SLC1A4: variants seen among roughly 807,000 people sequenced by gnomAD.
SLC1A4 encodes the protein solute carrier family 1 member 4.
In SLC1A4, 19 loss-of-function variants were observed where a neutral mutation model predicts 37.7. The ratio of observed to expected loss-of-function variants is 0.50; its 90% CI spans 0.35 to 0.74. SLC1A4 has a LOEUF of 0.74. Among genes scored for constraint, SLC1A4 ranks in the 30% least tolerant of loss-of-function variants. The pLI is 0.01. For synonymous variants in SLC1A4, 299 were observed against 309.8 expected (o/e 0.97, Z 0.37); for missense variants, 570 against 712.9 (o/e 0.80, Z 2.28).
intron 3 of SLC1A4, 149 bp from the exon 4 acceptor site, chr2:65,010,448 T>G: frequency 1.5e-6 from 1 of 675,048 alleles, no homozygotes; most frequent in Admixed American, 3.2e-5. Flanking sequence ...TCCTACCCCT[T>G]TATTTGCAGA....
chr2:65,014,780 T>C (rs1674060118), intron 4 of SLC1A4, among the ~76,000 whole-genome samples: 1 of 152,248 alleles, frequency 6.6e-6, no homozygotes, highest in Non-Finnish European at 1.5e-5. Context: ...AGGCATGTGG[T>C]TACCACAAAG....
chr2:65,013,724 T>C (rs1213666275), intron 4 of SLC1A4, among the ~76,000 whole-genome samples: 1 of 152,188 alleles, frequency 6.6e-6, no homozygotes, highest in Non-Finnish European at 1.5e-5. Context: ...CAACCAAGTA[T>C]GGGAGGCATT....
chr2:64,990,466 G>T (rs1673011929), intron 1 of SLC1A4, among the ~76,000 whole-genome samples: 1 of 152,168 alleles, frequency 6.6e-6, no homozygotes, highest in Admixed American at 6.5e-5. Flanking sequence ...CGCCCCGCCT[G>T]TTCTTTACTC....
At chr2:64,992,925 C>CT (rs1442875093) in intron 1 of SLC1A4, among the ~76,000 whole-genome samples, 24 of 152,352 alleles carry the variant, frequency 1.6e-4, no homozygotes, top group African/African-American at 5.8e-4. Context: ...TGAAAGGAAA[C>CT]TAAGTCCCAA....
intron 1 of SLC1A4, 102 bp from the exon 2 acceptor site, chr2:65,001,346 G>A (rs1192253257): frequency 1.9e-6 from 2 of 1,038,674 alleles, no homozygotes; most frequent in Admixed American, 1.8e-5. Flanking sequence ...AGGCTGCAGT[G>A]AGCTGCAATC....
At position 65,016,545 on chromosome 2, in the gene SLC1A4, A is replaced by T. The variant is rs1282789747; in HGVS notation, c.906A>T (p.Ile302=). The T allele has an allele frequency of 5.6e-6, 9 of 1,614,098 alleles. No homozygotes were observed. Among genetic ancestry groups the T allele is most frequent in the East Asian group, 4.5e-5 (2 of 44,878 alleles). ...TSLGKYIFAS[I]LGHVIHGGIV... is the part of the protein sequence containing the mutation. ...TGGGGAAATACATCTTCGCATCTAT[A>T]TTGGGCCATGTTATTCATGGAGGAA... Residue 302 remains isoleucine (I), a synonymous_variant, in exon 5 of 8, where the codon ATA becomes ATT. Transcript: ENST00000234256.
intron 2 of SLC1A4, among the ~76,000 whole-genome samples, chr2:65,002,250 A>C (rs1292252371): frequency 2.2e-5 from 3 of 136,088 alleles, no homozygotes; most frequent in Non-Finnish European, 4.8e-5. Context: ...ACTGTACTCC[A>C]GCCTGGGCAG....
At chr2:64,993,402 TGG>T (rs1558512653) in intron 1 of SLC1A4, among the ~76,000 whole-genome samples, 1 of 152,162 alleles carries the variant, frequency 6.6e-6, no homozygotes, top group African/African-American at 2.4e-5. Flanking sequence ...CATTGCTGAG[TGG>T]TTTGATTTCC....
chr2:65,020,698 T>C (rs1674383855), intron 7 of SLC1A4, among the ~76,000 whole-genome samples: 1 of 152,234 alleles, frequency 6.6e-6, no homozygotes, highest in African/African-American at 2.4e-5. Context: ...GCTTGTTTGC[T>C]TCTTTATGCT....
At chr2:65,001,586 G>A in intron 2 of SLC1A4, 96 bp downstream of exon 2, 1 of 1,140,140 alleles carries the variant, frequency 8.8e-7, no homozygotes, top group African/African-American at 1.6e-5. Flanking sequence ...AGGGAGAGAT[G>A]GTGGTGTTAA....
At chr2:64,994,895 T>C (rs1312857185) in intron 1 of SLC1A4, 1 of 152,228 alleles carries the variant, frequency 6.6e-6, no homozygotes, top group Non-Finnish European at 1.5e-5. Flanking sequence ...AGCCACCAGA[T>C]GGCAAAGTTG....
At chr2:65,016,201 C>A (rs967772461) in intron 4 of SLC1A4, among the ~76,000 whole-genome samples, 1 of 152,196 alleles carries the variant, frequency 6.6e-6, no homozygotes, top group East Asian at 1.9e-4. Flanking sequence ...AGGGGAAAGA[C>A]GTCTGGGTTC....
intron 4 of SLC1A4, among the ~76,000 whole-genome samples, chr2:65,012,301 C>T (rs34467179): frequency 0.012 from 1,840 of 151,792 alleles, 15 homozygotes; most frequent in Middle Eastern, 0.021. Flanking sequence ...GTGTTAGCCA[C>T]GATGGTCTCC....
Position 65,004,033 on chromosome 2 carries a change from G to A in SLC1A4, c.633+18G>A, listed in dbSNP as rs1227653789. 6.3e-7 allele frequency: 1 copy of A among 1,580,066 alleles called. No homozygotes were observed. ...ATGAAAAGGTAAAGCTTTTTATAAG[G>A]TCACTTGTAAAAATATGTCTAAAAC... On this transcript the variant is annotated intron_variant, in intron 3 of 7. Transcript: ENST00000234256.
At chr2:65,013,075 G>A (rs1434524777) in intron 4 of SLC1A4, among the ~76,000 whole-genome samples, 2 of 152,150 alleles carry the variant, frequency 1.3e-5, no homozygotes, top group Non-Finnish European at 2.9e-5. Flanking sequence ...AAGGTGAAGG[G>A]GAAGCAGGCA....
chr2:65,011,940 TG>T (rs966176018), intron 4 of SLC1A4, among the ~76,000 whole-genome samples: 16 of 150,444 alleles, frequency 1.1e-4, no homozygotes, highest in Non-Finnish European at 8.9e-5. Context: ...GGCTAATTTT[TG>T]TATTTTTAGT....
chr2:65,007,369 G>A (rs1358124654), intron 3 of SLC1A4, among the ~76,000 whole-genome samples: 1 of 151,612 alleles, frequency 6.6e-6, no homozygotes, highest in South Asian at 2.1e-4. Flanking sequence ...GGGGAGATGT[G>A]GGGGAAAAGT....
intron 2 of SLC1A4, among the ~76,000 whole-genome samples, chr2:65,003,410 A>AGACTCAGG (rs1386914972): frequency 2.0e-5 from 3 of 152,250 alleles, no homozygotes. Context: ...GTCCCCCTGA[A>AGACTCAGG]GACTCAGTTA....
intron 1 of SLC1A4, among the ~76,000 whole-genome samples, chr2:64,991,669 C>T (rs896862608): frequency 2.0e-5 from 3 of 152,004 alleles, no homozygotes; most frequent in African/African-American, 7.2e-5. Flanking sequence ...TGTGCGATCT[C>T]GGCTCACTGC....
Sources: allele counts gnomAD v4.1 joint callset (sites outside exome capture counted in the v4.1 genomes callset), GRCh38; gene constraint gnomAD v4.1.1; transcripts MANE v1.5; gene names NCBI Gene and HGNC (gene_info 2026-07-23, HGNC 2026-07-21).